Variants in DUSP16 observed in about 807,000 individuals in gnomAD.
The protein encoded by DUSP16 is dual specificity phosphatase 16.
DUSP16 carries 21 observed loss-of-function variants against 58.3 expected under a neutral mutation model. The ratio of observed to expected loss-of-function variants is 0.36; its 90% CI spans 0.26 to 0.52. The LOEUF (loss-of-function observed/expected upper bound fraction) is 0.52. Among genes scored for constraint, DUSP16 ranks in the 20% least tolerant of loss-of-function variants. The probability of loss-of-function intolerance (pLI) is 0.94; values close to 1 mark genes in which losing one functional copy is unlikely to be tolerated. For synonymous variants in DUSP16, 320 were observed against 323.8 expected (o/e 0.99, Z 0.12); for missense variants, 726 against 819.0 (o/e 0.89, Z 1.39).
At chr12:12,508,007 A>T (rs1421479708) in intron 3 of DUSP16, among the ~76,000 whole-genome samples, 2 of 152,240 alleles carry the variant, frequency 1.3e-5, no homozygotes, top group African/African-American at 2.4e-5. Flanking sequence ...CTTATTTTAG[A>T]ATATATGTGA....
chr12:12,515,661 G>A (rs1283328089), intron 3 of DUSP16, among the ~76,000 whole-genome samples: 2 of 151,716 alleles, frequency 1.3e-5, no homozygotes, highest in Admixed American at 6.6e-5. Context: ...TTCAAGGGGG[G>A]TTGTGGGGAA....
Position 12,474,962 on chromosome 12 carries a change from C to T in DUSP16, c.*1871G>A, listed in dbSNP as rs995670174. On this transcript the variant is annotated 3_prime_UTR_variant, in exon 7 of 7. Coordinates refer to ENST00000298573, the MANE Select transcript of DUSP16 (RefSeq NM_030640.3). The stretch of plus-strand genomic sequence containing the variant: ...CCCAGTATCATAACAATGCGGCTGA[C>T]CCTCTTCTGCCTTCACTTTACACCC... The T allele has an allele frequency of 6.6e-6, 1 of 152,204 alleles. No homozygotes were observed. The highest frequency in any genetic ancestry group is 2.4e-5 in the African/African-American group (1 of 41,444). 9.4% of individuals were successfully genotyped at this position (152,204 alleles called of 1,614,324 possible).
chr12:12,559,631 AT>A (rs1254403464), intron 1 of DUSP16, among the ~76,000 whole-genome samples: 1 of 152,192 alleles, frequency 6.6e-6, no homozygotes, highest in Non-Finnish European at 1.5e-5. Flanking sequence ...AGCAAATTAT[AT>A]TTAGTAGGAT....
chr12:12,551,711 G>A (rs909023751), intron 1 of DUSP16, among the ~76,000 whole-genome samples: 2 of 130,896 alleles, frequency 1.5e-5, no homozygotes, highest in Non-Finnish European at 3.2e-5. Flanking sequence ...TTTTTTTTCC[G>A]AGATGGAATA....
At chr12:12,509,925 A>C (rs746667110) in intron 3 of DUSP16, among the ~76,000 whole-genome samples, 3 of 152,134 alleles carry the variant, frequency 2.0e-5, no homozygotes, top group African/African-American at 7.2e-5. Flanking sequence ...GTGAGTGAGG[A>C]GGCACAGGGC....
intron 3 of DUSP16, among the ~76,000 whole-genome samples, chr12:12,517,673 C>T (rs184247165): frequency 5.1e-4 from 77 of 152,320 alleles, no homozygotes; most frequent in Admixed American, 3.4e-3. Flanking sequence ...TCTTAGGTGT[C>T]ACAAGAAATC....
chr12:12,516,039 G>A (rs1944147465), intron 3 of DUSP16, among the ~76,000 whole-genome samples: 1 of 151,892 alleles, frequency 6.6e-6, no homozygotes, highest in Non-Finnish European at 1.5e-5. Flanking sequence ...GCCTCCCAAA[G>A]TTCTGGGATT....
chr12:12,553,228 C>A (rs1944758475), intron 1 of DUSP16, among the ~76,000 whole-genome samples: 1 of 151,982 alleles, frequency 6.6e-6, no homozygotes, highest in South Asian at 2.1e-4. Context: ...TGTCCTGAGA[C>A]CAAAATGTTT....
intron 5 of DUSP16, 53 bp from the exon 6 acceptor site, chr12:12,480,399 G>A: frequency 6.3e-7 from 1 of 1,584,020 alleles, no homozygotes; most frequent in East Asian, 2.3e-5. Flanking sequence ...GTTCAGCAGT[G>A]AAATCTTGTT....
chr12:12,537,848 C>T (rs1376720552), intron 1 of DUSP16, among the ~76,000 whole-genome samples: 1 of 152,138 alleles, frequency 6.6e-6, no homozygotes, highest in Non-Finnish European at 1.5e-5. Context: ...GTTCATTCTT[C>T]TAATTCTGGG....
At chr12:12,548,764 A>T (rs1017613666) in intron 1 of DUSP16, among the ~76,000 whole-genome samples, 1 of 152,098 alleles carries the variant, frequency 6.6e-6, no homozygotes, top group Non-Finnish European at 1.5e-5. Flanking sequence ...GCTCCAGGAT[A>T]CTATCTTCCT....
At chr12:12,529,081 GA>G (rs1365425760) in intron 1 of DUSP16, among the ~76,000 whole-genome samples, 1 of 152,176 alleles carries the variant, frequency 6.6e-6, no homozygotes, top group Non-Finnish European at 1.5e-5. Flanking sequence ...ATATCTATTG[GA>G]AATGATGCAT....
chr12:12,533,254 A>C (rs1944417188), intron 1 of DUSP16, among the ~76,000 whole-genome samples: 1 of 152,260 alleles, frequency 6.6e-6, no homozygotes, highest in Non-Finnish European at 1.5e-5. Context: ...CATTCAATTT[A>C]TAAAGTTTCC....
chr12:12,549,873 C>G (rs144688380), intron 1 of DUSP16, among the ~76,000 whole-genome samples: 82 of 152,224 alleles, frequency 5.4e-4, no homozygotes, highest in African/African-American at 1.9e-3. Context: ...CCAACACGCT[C>G]TGATGTTATA....
chr12:12,478,563 T>C (rs1450401923), intron 6 of DUSP16, among the ~76,000 whole-genome samples: 1 of 152,146 alleles, frequency 6.6e-6, no homozygotes, highest in East Asian at 1.9e-4. Context: ...CTTGAACTTC[T>C]GGGCTCAAGT....
chr12:12,516,703 C>A (rs1186665124), intron 3 of DUSP16, among the ~76,000 whole-genome samples: 1 of 152,190 alleles, frequency 6.6e-6, no homozygotes, highest in Non-Finnish European at 1.5e-5. Flanking sequence ...TCCAAATCAC[C>A]TATTTTGAAA....
At chr12:12,505,781 G>C (rs919766746) in intron 3 of DUSP16, among the ~76,000 whole-genome samples, 4 of 152,140 alleles carry the variant, frequency 2.6e-5, no homozygotes, top group South Asian at 2.1e-4. Flanking sequence ...CAAAACAAAA[G>C]AGCCAAACAA....
In DUSP16 at chr12:12,473,463, C is replaced by A. The variant is rs1397213376; in HGVS notation, c.*3370G>T. On this transcript the variant is annotated 3_prime_UTR_variant, in exon 7 of 7. Coordinates refer to ENST00000298573, the MANE Select transcript of DUSP16 (RefSeq NM_030640.3). ...CTGAAACAACTGTTCCTCCTGTTAC[C>A]CTCTATCTCTGGAGGCTGATTTATT... Among the ~76,000 whole-genome samples, 2 of 152,134 alleles carry A rather than the reference C, an allele frequency of 1.3e-5. No individual in the cohort carries two copies. The highest frequency in any genetic ancestry group is 4.8e-5 in the African/African-American group (2 of 41,424).
intron 1 of DUSP16, among the ~76,000 whole-genome samples, chr12:12,539,927 TC>T (rs1944526562): frequency 6.6e-6 from 1 of 151,882 alleles, no homozygotes; most frequent in South Asian, 2.1e-4. Flanking sequence ...GGTAGCATAG[TC>T]CCAGCTACTC....
Sources: allele counts gnomAD v4.1 joint callset (sites outside exome capture counted in the v4.1 genomes callset), GRCh38; gene constraint gnomAD v4.1.1; transcripts MANE v1.5; gene names NCBI Gene and HGNC (gene_info 2026-07-23, HGNC 2026-07-21).